Variants in LURAP1L observed in about 807,000 individuals in gnomAD.
LURAP1L encodes leucine rich adaptor protein 1-like.
LURAP1L carries 12 observed loss-of-function variants against 13.8 expected under a neutral mutation model. That is an observed-to-expected ratio of 0.87 (90% CI 0.56 to 1.41). LURAP1L has a LOEUF of 1.41. Among genes scored for constraint, LURAP1L ranks in the 40% most tolerant of loss-of-function variants. The pLI, the probability that LURAP1L is intolerant of heterozygous loss-of-function variation, is 0.00. For synonymous variants in LURAP1L, 139 were observed against 119.2 expected, an observed-to-expected ratio of 1.17 and a Z score of -1.08; for missense variants, 375 against 292.9, an observed-to-expected ratio of 1.28 and a Z score of -2.04.
intron 1 of LURAP1L, among the ~76,000 whole-genome samples, chr9:12,798,683 T>C (rs1819542239): frequency 6.6e-6 from 1 of 152,190 alleles, no homozygotes; most frequent in Non-Finnish European, 1.5e-5. Flanking sequence ...AGAGAACAGC[T>C]ATTTGCAAAC....
chr9:12,785,564 T>C (rs1437451846), intron 1 of LURAP1L, among the ~76,000 whole-genome samples: 1 of 152,194 alleles, frequency 6.6e-6, no homozygotes, highest in Non-Finnish European at 1.5e-5. Flanking sequence ...AATTCCCCTC[T>C]AGCTAGGTCC....
chr9:12,783,267 G>A (rs931765671), intron 1 of LURAP1L, among the ~76,000 whole-genome samples: 1 of 151,974 alleles, frequency 6.6e-6, no homozygotes, highest in Non-Finnish European at 1.5e-5. Context: ...GATGAAGTGG[G>A]CATCCTCCTT....
At chr9:12,779,497 A>G (rs571017505) in intron 1 of LURAP1L, among the ~76,000 whole-genome samples, 77 of 152,232 alleles carry the variant, frequency 5.1e-4, no homozygotes, top group African/African-American at 1.7e-3. Flanking sequence ...GATGGTCTCT[A>G]TCTCCTGACC....
chr9:12,783,654 T>G (rs896595178), intron 1 of LURAP1L, among the ~76,000 whole-genome samples: 1 of 152,228 alleles, frequency 6.6e-6, no homozygotes, highest in Non-Finnish European at 1.5e-5. Context: ...GATATTGGCC[T>G]ATACTTTCTC....
intron 1 of LURAP1L, among the ~76,000 whole-genome samples, chr9:12,783,788 G>T (rs965861189): frequency 2.1e-5 from 3 of 143,546 alleles, no homozygotes; most frequent in Non-Finnish European, 3.0e-5. Flanking sequence ...TTCTTTAAAT[G>T]TTTGGTAAAA....
chr9:12,782,859 A>C (rs1819291613), intron 1 of LURAP1L, among the ~76,000 whole-genome samples: 1 of 152,152 alleles, frequency 6.6e-6, no homozygotes, highest in African/African-American at 2.4e-5. Flanking sequence ...AACATGGAAT[A>C]TCTTTTCATC....
intron 1 of LURAP1L, among the ~76,000 whole-genome samples, chr9:12,780,020 TCTC>T (rs1182371885): frequency 1.3e-5 from 2 of 152,146 alleles, no homozygotes; most frequent in African/African-American, 2.4e-5. Flanking sequence ...AGTTAAAGGT[TCTC>T]CTGACACGAC....
chr9:12,788,033 A>AC, intron 1 of LURAP1L, among the ~76,000 whole-genome samples: 1 of 151,836 alleles, frequency 6.6e-6, no homozygotes, highest in Non-Finnish European at 1.5e-5. Flanking sequence ...AATTGCATGA[A>AC]CCCAGGAGGC....
chr9:12,807,094 AATATATATATATAT>A (rs71329889), intron 1 of LURAP1L, among the ~76,000 whole-genome samples: 1 of 116,178 alleles, frequency 8.6e-6, no homozygotes, highest in African/African-American at 3.2e-5. Context: ...TCTCTACTAA[AATATATATATATAT>A]ATATATATAT....
At chr9:12,797,904 T>C (rs1453640518) in intron 1 of LURAP1L, among the ~76,000 whole-genome samples, 1 of 152,154 alleles carries the variant, frequency 6.6e-6, no homozygotes, top group African/African-American at 2.4e-5. Context: ...GTTTGTTTTC[T>C]TTTTTATCTT....
chr9:12,778,765 T>C (rs946482828), intron 1 of LURAP1L, among the ~76,000 whole-genome samples: 1 of 152,354 alleles, frequency 6.6e-6, no homozygotes, highest in South Asian at 2.1e-4. Context: ...ACACATGCTA[T>C]GTGCTAAGCA....
chr9:12,818,087 T>C (rs967798812), intron 1 of LURAP1L, among the ~76,000 whole-genome samples: 6 of 151,258 alleles, frequency 4.0e-5, no homozygotes, highest in African/African-American at 4.9e-5. Flanking sequence ...GTCGTTTTTT[T>C]CCCCAACAGT....
intron 1 of LURAP1L, among the ~76,000 whole-genome samples, chr9:12,803,592 C>A (rs1369281196): frequency 1.3e-5 from 2 of 152,144 alleles, no homozygotes; most frequent in African/African-American, 2.4e-5. Flanking sequence ...TAAATTACAT[C>A]ACATTCAAAG....
intron 1 of LURAP1L, among the ~76,000 whole-genome samples, chr9:12,817,264 C>A (rs1008889608): frequency 6.6e-6 from 1 of 151,988 alleles, no homozygotes; most frequent in Non-Finnish European, 1.5e-5. Flanking sequence ...CAGCAAAACC[C>A]GAGATTCCAA....
chr9:12,789,586 G>A (rs1245415461), intron 1 of LURAP1L, among the ~76,000 whole-genome samples: 1 of 152,124 alleles, frequency 6.6e-6, no homozygotes, highest in Non-Finnish European at 1.5e-5. Context: ...AGAATCAGGT[G>A]AATTAATAAC....
intron 1 of LURAP1L, among the ~76,000 whole-genome samples, chr9:12,794,366 A>G (rs1420842397): frequency 6.6e-6 from 1 of 152,046 alleles, no homozygotes; most frequent in Admixed American, 6.6e-5. Flanking sequence ...TACTTTTTTT[A>G]AATATCATTA....
At chr9:12,809,307 T>C (rs1819705741) in intron 1 of LURAP1L, among the ~76,000 whole-genome samples, 1 of 152,216 alleles carries the variant, frequency 6.6e-6, no homozygotes, top group Non-Finnish European at 1.5e-5. Context: ...GATACTCTGT[T>C]CTGACTTTTT....
At chr9:12,802,467 C>T (rs1239669360) in intron 1 of LURAP1L, among the ~76,000 whole-genome samples, 3 of 152,158 alleles carry the variant, frequency 2.0e-5, no homozygotes, top group African/African-American at 4.8e-5. Flanking sequence ...GCTCTGGCCA[C>T]GTGAAATGCT....
rs67654649 is a variant in LURAP1L, at chr9:12,786,547, C to CATATATATATATATATATATAT, written c.312+10534_312+10555dup. Among the ~76,000 whole-genome samples, 63 of 53,014 alleles carry CATATATATATATATATATATAT rather than the reference C, an allele frequency of 1.2e-3. 2 individuals carry two copies. Among genetic ancestry groups the CATATATATATATATATATATAT allele is most frequent in the South Asian group, 3.2e-3 (3 of 934 alleles). 34.8% of individuals were successfully genotyped at this position (53,014 alleles called of 152,430 possible). A position where few individuals can be genotyped will look rare whatever the true frequency, so the allele number is the denominator to read the frequency against. On this transcript the variant is annotated intron_variant, in intron 1 of 1. Transcript: ENST00000319264. ...AAATGGCTAACATGTATATATATGACATATATATATATATATATATATATA... is the reference window on the plus strand; with the variant it reads ...AAATGGCTAACATGTATATATATGACATATATATATATATATATATATATATATATATATATATATATATATA...
Sources: gnomAD v4.1 joint callset for allele counts (sites outside exome capture counted in the v4.1 genomes callset) on GRCh38, gnomAD v4.1.1 for gene constraint, MANE v1.5 for transcripts, NCBI Gene and HGNC (gene_info 2026-07-23, HGNC 2026-07-21) for gene names.